TRPM3: variants seen among roughly 807,000 people sequenced by gnomAD.
TRPM3 encodes the protein transient receptor potential cation channel subfamily M member 3, also known as long transient receptor potential channel 3.
A neutral mutation model predicts 181.2 loss-of-function variants in TRPM3; 77 were observed. That is an observed-to-expected ratio of 0.42 (90% confidence interval 0.35 to 0.51). The LOEUF is 0.51. Among genes scored for constraint, TRPM3 ranks in the 20% least tolerant of loss-of-function variants. TRPM3 has a pLI of 0.01. For missense variants in TRPM3, 1,759 were observed against 2,196.7 expected (o/e 0.80, Z 3.98); for synonymous variants, 745 against 796.4 (o/e 0.94, Z 1.09).
At chr9:70,838,351 G>A (rs1206933333) in intron 5 of TRPM3, among the ~76,000 whole-genome samples, 9 of 152,136 alleles carry the variant, frequency 5.9e-5, no homozygotes, top group African/African-American at 1.2e-4. Context: ...TCATGAGGGC[G>A]GGGCCCTATG....
chr9:71,159,776 G>GATTT (rs944857317), intron 1 of TRPM3, among the ~76,000 whole-genome samples: 3 of 152,126 alleles, frequency 2.0e-5, no homozygotes, highest in Non-Finnish European at 2.9e-5. Context: ...ATATTTCAGA[G>GATTT]ATTTATGAGG....
intron 8 of TRPM3, among the ~76,000 whole-genome samples, chr9:70,694,505 G>A (rs2069615001): frequency 6.6e-6 from 1 of 152,138 alleles, no homozygotes. Flanking sequence ...TTTTGAGACG[G>A]AGTCTTGCTC....
intron 1 of TRPM3, among the ~76,000 whole-genome samples, chr9:70,940,313 A>T (rs1475828115): frequency 6.6e-6 from 1 of 152,218 alleles, no homozygotes; most frequent in Non-Finnish European, 1.5e-5. Context: ...TAAAGCTGGT[A>T]TTTGAGCTTT....
chr9:71,000,281 T>A (rs1268739215), intron 1 of TRPM3, among the ~76,000 whole-genome samples: 1 of 152,216 alleles, frequency 6.6e-6, no homozygotes, highest in Non-Finnish European at 1.5e-5. Flanking sequence ...AACCTTAAGA[T>A]TCTATTTGGC....
At chr9:71,132,222 C>T (rs879339002) in intron 1 of TRPM3, among the ~76,000 whole-genome samples, 1 of 152,060 alleles carries the variant, frequency 6.6e-6, no homozygotes, top group Non-Finnish European at 1.5e-5. Flanking sequence ...ACTGAGAATC[C>T]GAGAATATAG....
intron 1 of TRPM3, among the ~76,000 whole-genome samples, chr9:71,318,379 A>G (rs954527229): frequency 3.9e-5 from 6 of 152,134 alleles, no homozygotes; most frequent in African/African-American, 1.4e-4. Flanking sequence ...GATTTTCACA[A>G]CTCTACATTG....
chr9:71,417,350 T>C (rs1010787830), intron 1 of TRPM3, among the ~76,000 whole-genome samples: 1 of 152,006 alleles, frequency 6.6e-6, no homozygotes, highest in African/African-American at 2.4e-5. Flanking sequence ...TGTATAGTGA[T>C]ATCTCATTAT....
At chr9:70,610,037 A>G (rs925974214) in intron 19 of TRPM3, among the ~76,000 whole-genome samples, 4 of 152,228 alleles carry the variant, frequency 2.6e-5, no homozygotes, top group African/African-American at 2.4e-5. Context: ...AGGATGTGCA[A>G]ACTAAACAAT....
At chr9:71,121,681 G>A (rs761952936), upstream of TRPM3, 5 of 1,086,892 alleles carry the variant, frequency 4.6e-6, no homozygotes, top group Non-Finnish European at 4.5e-6. Context: ...GGGGGGAACC[G>A]GGGCCATTGC....
intron 1 of TRPM3, among the ~76,000 whole-genome samples, chr9:71,104,948 C>T (rs776821203): frequency 6.6e-6 from 1 of 152,184 alleles, no homozygotes; most frequent in African/African-American, 2.4e-5. Context: ...TAAGGTCAAA[C>T]ATATACCTAC....
At chr9:71,282,082 A>G (rs1311695944) in intron 1 of TRPM3, among the ~76,000 whole-genome samples, 1 of 52,474 alleles carries the variant, frequency 1.9e-5, no homozygotes, top group Non-Finnish European at 3.9e-5. Flanking sequence ...GAAAGAAAGG[A>G]AAGAAAGAGA....
At chr9:70,898,568 T>G (rs2096325551) in intron 1 of TRPM3, among the ~76,000 whole-genome samples, 1 of 150,018 alleles carries the variant, frequency 6.7e-6, no homozygotes, top group African/African-American at 2.4e-5. Context: ...GCCAACATAA[T>G]GAAACCCCGT....
At chr9:70,589,493 T>C (rs1182517735) in intron 22 of TRPM3, among the ~76,000 whole-genome samples, 3 of 152,180 alleles carry the variant, frequency 2.0e-5, no homozygotes, top group African/African-American at 7.2e-5. Context: ...AAACAATTTC[T>C]TGGGGGGAAA....
intron 7 of TRPM3, among the ~76,000 whole-genome samples, chr9:70,782,872 A>G (rs781414296): frequency 9.2e-5 from 14 of 152,150 alleles, no homozygotes; most frequent in Non-Finnish European, 1.5e-4. Flanking sequence ...TTTCACAAAC[A>G]TAGGTTCATC....
intron 1 of TRPM3, among the ~76,000 whole-genome samples, chr9:71,156,469 G>A (rs561544242): frequency 6.7e-6 from 1 of 149,776 alleles, no homozygotes; most frequent in Admixed American, 6.7e-5. Context: ...GCAAATTCCA[G>A]CTATGGTTAT....
intron 1 of TRPM3, among the ~76,000 whole-genome samples, chr9:71,310,052 T>G (rs7872140): frequency 0.86 from 130,633 of 151,988 alleles, 56,208 homozygotes; most frequent in South Asian, 0.93. Context: ...ATTTGTAAAC[T>G]ATCTAAATAA....
intron 1 of TRPM3, among the ~76,000 whole-genome samples, chr9:71,200,000 G>C (rs1015916009): frequency 2.0e-5 from 3 of 152,114 alleles, no homozygotes; most frequent in Admixed American, 6.6e-5. Flanking sequence ...GCTTTCTATT[G>C]TGCACATTTA....
intron 6 of TRPM3, chr9:70,793,819 C>T (rs1328159): frequency 0.11 from 35,956 of 326,256 alleles, 2,438 homozygotes; most frequent in African/African-American, 0.21. Flanking sequence ...GTACTCATAC[C>T]ACCATTCGTC....
Position 70,827,884 on chromosome 9 carries a change from T to C in TRPM3, c.936A>G (p.Gln312=), listed in dbSNP as rs747723802. The C allele has an allele frequency of 6.2e-7, 1 of 1,614,160 alleles. No homozygotes were observed. The highest frequency in any genetic ancestry group is 8.5e-7 in the Non-Finnish European group (1 of 1,179,990). ...TCTGGAGTGAAATATGCTTTTCCAG[T>C]TGTCTTCGAAGTTTCACCTCTGCTC... ...KYGAEVKLRR[Q]LEKHISLQKI... is the part of the protein sequence containing the mutation. The change falls in exon 6 of 26, where the codon CAA becomes CAG. Residue 312 remains glutamine (Q), a synonymous_variant. Coordinates refer to ENST00000677713, the MANE Select transcript of TRPM3 (RefSeq NM_001366145.2).
Sources: allele counts gnomAD v4.1 joint callset (sites outside exome capture counted in the v4.1 genomes callset), GRCh38; gene constraint gnomAD v4.1.1; transcripts MANE v1.5; gene names NCBI Gene and HGNC (gene_info 2026-07-23, HGNC 2026-07-21).